The following UVRAG variants were observed in gnomAD, a reference collection of about 807,000 sequenced individuals.
The protein encoded by UVRAG is UV radiation resistance associated, also known as UV radiation resistance-associated gene protein.
A neutral mutation model predicts 78.0 loss-of-function variants in UVRAG; 19 were observed. The ratio of observed to expected loss-of-function variants is 0.24; its 90% CI spans 0.17 to 0.36. The LOEUF (loss-of-function observed/expected upper bound fraction) is 0.36. Ranked by LOEUF, UVRAG falls within the 10% of genes least tolerant of loss-of-function variation. The pLI is 1.00. For missense variants in UVRAG, 740 were observed against 853.8 expected (o/e 0.87, Z 1.66); for synonymous variants, 323 against 324.6 (o/e 1.00, Z 0.05).
chr11:75,905,580 A>G (rs1485012490), intron 5 of UVRAG, among the ~76,000 whole-genome samples: 2 of 152,060 alleles, frequency 1.3e-5, no homozygotes, highest in African/African-American at 4.8e-5. Flanking sequence ...CACTTAGTGT[A>G]ATGTTTTGGT....
chr11:75,983,188 T>A (rs1949427454), intron 7 of UVRAG, among the ~76,000 whole-genome samples, 199 bp from the exon 8 acceptor site: 1 of 152,212 alleles, frequency 6.6e-6, no homozygotes, highest in South Asian at 2.1e-4. Context: ...GATTTACTTT[T>A]ACTCTTATTC....
chr11:76,130,851 A>G (rs1032611025), intron 14 of UVRAG, among the ~76,000 whole-genome samples: 1 of 151,858 alleles, frequency 6.6e-6, no homozygotes, highest in African/African-American at 2.4e-5. Flanking sequence ...TAATTTCCCT[A>G]TCGAGTTCCT....
chr11:76,092,290 G>A (rs7119636), intron 13 of UVRAG, among the ~76,000 whole-genome samples: 21,591 of 152,044 alleles, frequency 0.14, 4,006 homozygotes, highest in African/African-American at 0.43. Flanking sequence ...TAGTGCCGCA[G>A]TAAACATACA....
At chr11:75,892,917 C>G (rs142333418) in intron 5 of UVRAG, among the ~76,000 whole-genome samples, 2 of 152,114 alleles carry the variant, frequency 1.3e-5, no homozygotes, top group Non-Finnish European at 2.9e-5. Flanking sequence ...CTGTGACTCA[C>G]GCCTGTAATC....
chr11:75,973,964 A>T (rs950122649), intron 7 of UVRAG, among the ~76,000 whole-genome samples: 3 of 152,238 alleles, frequency 2.0e-5, no homozygotes, highest in Admixed American at 6.5e-5. Flanking sequence ...ATTGATGGAC[A>T]TTTGGGTTGA....
At chr11:76,126,192 C>T (rs1045607656) in intron 14 of UVRAG, among the ~76,000 whole-genome samples, 6 of 152,256 alleles carry the variant, frequency 3.9e-5, no homozygotes, top group African/African-American at 7.2e-5. Flanking sequence ...CCACCTGCCT[C>T]GGCCTCCCAA....
intron 7 of UVRAG, 84 bp downstream of exon 7, chr11:75,961,633 C>T (rs539406241): frequency 7.8e-5 from 79 of 1,018,786 alleles, no homozygotes; most frequent in African/African-American, 6.9e-4. Flanking sequence ...TTTTAAAAAA[C>T]GCTTTAGATC....
intron 12 of UVRAG, among the ~76,000 whole-genome samples, chr11:76,045,700 T>TAA (rs34827474): frequency 0.032 from 4,231 of 130,804 alleles, 87 homozygotes; most frequent in Middle Eastern, 0.088. Flanking sequence ...GTTTTTCTCT[T>TAA]AAAAAAAAAA....
chr11:75,853,808 C>T (rs138252057), intron 2 of UVRAG, among the ~76,000 whole-genome samples: 2,887 of 151,806 alleles, frequency 0.019, 80 homozygotes, highest in African/African-American at 0.066. Context: ...AGTCTCGCTC[C>T]GTTGCCCAGG....
At chr11:75,891,520 G>A (rs1315163453) in intron 5 of UVRAG, among the ~76,000 whole-genome samples, 1 of 152,090 alleles carries the variant, frequency 6.6e-6, no homozygotes, top group Non-Finnish European at 1.5e-5. Context: ...ATCTATTATT[G>A]TATTTAATAC....
At chr11:75,887,825 C>G (rs141937605) in intron 4 of UVRAG, among the ~76,000 whole-genome samples, 12 of 152,216 alleles carry the variant, frequency 7.9e-5, no homozygotes, top group African/African-American at 2.9e-4. Flanking sequence ...CTCAAGTGAT[C>G]CGCCCGCTTC....
At chr11:75,955,953 T>C (rs59802509) in intron 6 of UVRAG, among the ~76,000 whole-genome samples, 16 of 152,306 alleles carry the variant, frequency 1.1e-4, no homozygotes, top group African/African-American at 3.9e-4. Context: ...CTTCTCCCTA[T>C]GTTAGTCCCC....
At chr11:75,908,025 C>A (rs1947655650) in intron 5 of UVRAG, among the ~76,000 whole-genome samples, 1 of 152,136 alleles carries the variant, frequency 6.6e-6, no homozygotes, top group Non-Finnish European at 1.5e-5. Flanking sequence ...TTTCATCTTG[C>A]AAAACTTTTC....
intron 13 of UVRAG, among the ~76,000 whole-genome samples, chr11:76,083,952 A>C (rs1367157383): frequency 3.9e-5 from 6 of 152,212 alleles, no homozygotes; most frequent in Admixed American, 6.5e-5. Flanking sequence ...TATCAAAATA[A>C]CTTAGCTTTA....
intron 12 of UVRAG, among the ~76,000 whole-genome samples, chr11:76,055,886 T>C (rs1950974500): frequency 6.6e-6 from 1 of 152,130 alleles, no homozygotes; most frequent in African/African-American, 2.4e-5. Context: ...ATTTTTTGTA[T>C]TTTTAGTAGA....
At chr11:75,957,649 T>C (rs552647714) in intron 6 of UVRAG, among the ~76,000 whole-genome samples, 4 of 152,224 alleles carry the variant, frequency 2.6e-5, no homozygotes, top group African/African-American at 9.6e-5. Context: ...CTTAACAATA[T>C]AGAATCTTCC....
chr11:76,036,744 A>C (rs982325958), intron 12 of UVRAG, among the ~76,000 whole-genome samples: 5 of 152,160 alleles, frequency 3.3e-5, no homozygotes, highest in East Asian at 1.9e-4. Context: ...TAAAAAAAAA[A>C]ACACAGACAA....
intron 1 of UVRAG, among the ~76,000 whole-genome samples, chr11:75,819,795 C>T (rs1945345433): frequency 1.3e-5 from 2 of 151,796 alleles, no homozygotes; most frequent in Admixed American, 1.3e-4. Flanking sequence ...ATGGTGAAAC[C>T]CTGTCTCTAC....
chr11:75,853,113 A>G (rs151259231), intron 2 of UVRAG, among the ~76,000 whole-genome samples: 1,811 of 151,978 alleles, frequency 0.012, 116 homozygotes, highest in Admixed American at 0.11. Flanking sequence ...GGGTCCTACT[A>G]TGTTTTTTGG....
Sources: allele counts gnomAD v4.1 joint callset (sites outside exome capture counted in the v4.1 genomes callset), GRCh38; gene constraint gnomAD v4.1.1; transcripts MANE v1.5; gene names NCBI Gene and HGNC (gene_info 2026-07-23, HGNC 2026-07-21).